MAEA: variants seen among roughly 807,000 people sequenced by gnomAD.
The protein encoded by MAEA is E3 ubiquitin-protein transferase MAEA.
MAEA carries 22 observed loss-of-function variants against 46.2 expected under a neutral mutation model. The observed-to-expected ratio is 0.48, with a 90% CI of 0.34 to 0.68. MAEA has a LOEUF of 0.68. MAEA is among the 30% of genes least tolerant of loss of function. The probability of loss-of-function intolerance (pLI) is 0.01; values close to 1 mark genes in which losing one functional copy is unlikely to be tolerated. For missense variants in MAEA, 393 were observed against 558.1 expected (o/e 0.70, Z 2.98); for synonymous variants, 246 against 222.6 (o/e 1.11, Z -0.94).
At position 1,295,948 on chromosome 4, in the gene MAEA, C is replaced by G. The variant is rs193043147; in HGVS notation, c.69+5966C>G. Among the ~76,000 whole-genome samples the G allele has an allele frequency of 1.3e-3, 169 of 131,412 alleles. 1 individual carries two copies. The highest frequency in any genetic ancestry group is 5.0e-3 in the African/African-American group (156 of 31,476). 86.2% of individuals were successfully genotyped at this position (131,412 alleles called of 152,430 possible). A position where few individuals can be genotyped will look rare whatever the true frequency, so the allele number is the denominator to read the frequency against. ...CCCCCTCACCCACACCTGTGCCACC[C>G]TCGCCCGCACCTGTGCCCCCCTCAC... On this transcript the variant is annotated intron_variant, in intron 1 of 8. Coordinates refer to ENST00000303400, the MANE Select transcript of MAEA (RefSeq NM_001017405.3).
At chr4:1,313,344 A>G (rs1393986857) in intron 2 of MAEA, among the ~76,000 whole-genome samples, 4 of 152,192 alleles carry the variant, frequency 2.6e-5, no homozygotes, top group Non-Finnish European at 4.4e-5. Flanking sequence ...TCAAGACACC[A>G]CGATGGACTG....
At chr4:1,315,292 G>A in intron 2 of MAEA, 105 bp from the exon 3 acceptor site, 1 of 1,095,952 alleles carries the variant, frequency 9.1e-7, no homozygotes, top group East Asian at 2.4e-5. Context: ...CGTAATCCCT[G>A]CTTTTCTCCT....
In MAEA at chr4:1,335,040, C is replaced by A. The variant is rs536489109; in HGVS notation, c.766-1821C>A. ...CTCCCTCCAGGTGTGGCCGTCTCCC[C>A]CCAAGCTAGAGACTGAGCGGCCTTT... On this transcript the variant is annotated intron_variant, in intron 6 of 8. Coordinates refer to ENST00000303400, the MANE Select transcript of MAEA (RefSeq NM_001017405.3). 5.0e-4 allele frequency: 496 copies of A among 985,420 alleles called. 1 individual carries two copies. Among genetic ancestry groups the A allele is most frequent in the Admixed American group, 9.2e-4 (15 of 16,280 alleles). The allele number at this position is 985,420 out of a possible 1,614,324, so 61.0% of individuals were successfully genotyped here.
chr4:1,327,842 C>T, intron 5 of MAEA, 139 bp downstream of exon 5: 1 of 657,698 alleles, frequency 1.5e-6, no homozygotes, highest in South Asian at 1.8e-5. Flanking sequence ...CCCCTGCCTG[C>T]TCAGGTGGCT....
intron 1 of MAEA, chr4:1,309,730 C>A: frequency 6.6e-7 from 1 of 1,516,076 alleles, no homozygotes; most frequent in South Asian, 1.2e-5. Context: ...CCTCCCCGGC[C>A]TCCTTCATGC....
At chr4:1,298,660 C>T (rs891278399) in intron 1 of MAEA, among the ~76,000 whole-genome samples, 3 of 152,160 alleles carry the variant, frequency 2.0e-5, no homozygotes, top group African/African-American at 4.8e-5. Context: ...GCTCCTAGAG[C>T]GCCATCCTCG....
chr4:1,324,780 G>T (rs1404155230), intron 4 of MAEA, among the ~76,000 whole-genome samples: 2 of 144,842 alleles, frequency 1.4e-5, no homozygotes, highest in African/African-American at 5.2e-5. Context: ...GTCTGGTGTT[G>T]GATAAAGTTG....
chr4:1,293,069 A>G lies in MAEA; in HGVS notation c.69+3087A>G, dbSNP rs192911309. Among the ~76,000 whole-genome samples the G allele has an allele frequency of 1.5e-3, 224 of 151,524 alleles. 1 individual carries two copies. The Middle Eastern group carries it at 0.017, about 12-fold the overall frequency. On this transcript the variant is annotated intron_variant, in intron 1 of 8. Transcript: ENST00000303400. ...CCACCATGCCCAGCTAATTTTTTGT[A>G]TTTTTTAGTAGAGACGTGGTTTCTC... is the stretch of plus-strand genomic sequence containing the variant.
At chr4:1,323,647 A>G (rs1001981094) in intron 4 of MAEA, 1 of 701,528 alleles carries the variant, frequency 1.4e-6, no homozygotes, top group Non-Finnish European at 2.6e-6. Flanking sequence ...TGCCAGCCCC[A>G]CACTCCCTCC....
chr4:1,295,211 T>G (rs1329361434), intron 1 of MAEA, among the ~76,000 whole-genome samples: 1 of 152,006 alleles, frequency 6.6e-6, no homozygotes, highest in African/African-American at 2.4e-5. Context: ...TCAGGCCGAG[T>G]GGGGATGTCT....
chr4:1,310,245 T>A (rs1331029229), intron 1 of MAEA, among the ~76,000 whole-genome samples: 1 of 152,198 alleles, frequency 6.6e-6, no homozygotes, highest in African/African-American at 2.4e-5. Context: ...CGGGGGGGCC[T>A]TCCCCAGTGG....
intron 4 of MAEA, chr4:1,323,365 A>C (rs563261696): frequency 3.1e-6 from 2 of 635,698 alleles, no homozygotes; most frequent in South Asian, 3.5e-5. Context: ...GTTTTAACTT[A>C]TGTTAACACT....
intron 5 of MAEA, among the ~76,000 whole-genome samples, chr4:1,328,121 C>T (rs886448308): frequency 6.6e-6 from 1 of 152,270 alleles, no homozygotes; most frequent in Non-Finnish European, 1.5e-5. Flanking sequence ...TTGGGAATGT[C>T]CCTCACAGTC....
chr4:1,316,862 C>A (rs1451629951), intron 3 of MAEA, among the ~76,000 whole-genome samples: 2 of 152,016 alleles, frequency 1.3e-5, no homozygotes, highest in Non-Finnish European at 2.9e-5. Context: ...CTTGCAGCCT[C>A]CCCCACACTC....
intron 5 of MAEA, 112 bp downstream of exon 5, chr4:1,327,815 C>G: frequency 1.2e-6 from 1 of 819,084 alleles, no homozygotes; most frequent in Non-Finnish European, 1.9e-6. Context: ...GGGTCGTCCC[C>G]TGGGTCTTGA....
intron 5 of MAEA, chr4:1,332,548 C>CT: frequency 2.2e-6 from 1 of 454,334 alleles, no homozygotes; most frequent in African/African-American, 2.0e-5. Flanking sequence ...GAATCTGTCT[C>CT]TAACAAGATG....
At chr4:1,329,925 C>T in intron 5 of MAEA, 1 of 985,586 alleles carries the variant, frequency 1.0e-6, no homozygotes, top group East Asian at 1.1e-4. Context: ...TCACGGTCCA[C>T]ATGGCGCTGG....
At chr4:1,335,128 C>T in intron 6 of MAEA, 1 of 985,402 alleles carries the variant, frequency 1.0e-6, no homozygotes, top group African/African-American at 1.7e-5. Context: ...TAAGTCTAAA[C>T]CTGAGGTTAT....
intron 3 of MAEA, among the ~76,000 whole-genome samples, chr4:1,315,945 C>G (rs1004711930): frequency 5.5e-5 from 8 of 146,022 alleles, no homozygotes; most frequent in African/African-American, 1.8e-4. Context: ...AGGGCCTCCT[C>G]CCCAGCTGAG....
Sources: allele counts gnomAD v4.1 joint callset (sites outside exome capture counted in the v4.1 genomes callset), GRCh38; gene constraint gnomAD v4.1.1; transcripts MANE v1.5; gene names NCBI Gene and HGNC (gene_info 2026-07-23, HGNC 2026-07-21).